OXCT1: variants seen among roughly 807,000 people sequenced by gnomAD.
OXCT1 encodes the protein succinyl-CoA:3-ketoacid coenzyme A transferase 1, mitochondrial.
In OXCT1, 27 loss-of-function variants were observed where a neutral mutation model predicts 69.6. The ratio of observed to expected loss-of-function variants is 0.39; its 90% CI spans 0.29 to 0.54. The LOEUF (loss-of-function observed/expected upper bound fraction) is 0.54, where lower values mean the gene tolerates loss of function less well. Among genes scored for constraint, OXCT1 ranks in the 20% least tolerant of loss-of-function variants. OXCT1 has a pLI of 0.72. For missense variants in OXCT1, 437 were observed against 650.2 expected, an observed-to-expected ratio of 0.67 and a Z score of 3.57; for synonymous variants, 202 against 217.8, an observed-to-expected ratio of 0.93 and a Z score of 0.64.
At chr5:41,776,060 A>G (rs1396898674) in intron 13 of OXCT1, among the ~76,000 whole-genome samples, 1 of 152,190 alleles carries the variant, frequency 6.6e-6, no homozygotes, top group Non-Finnish European at 1.5e-5. Context: ...GATTATCATC[A>G]TGAGGGATGC....
intron 3 of OXCT1, among the ~76,000 whole-genome samples, chr5:41,855,705 T>C (rs993494373): frequency 1.3e-5 from 2 of 152,214 alleles, no homozygotes; most frequent in Non-Finnish European, 2.9e-5. Context: ...GAATAAGACC[T>C]GGTCCTGGGC....
chr5:41,742,881 A>T (rs369835792), intron 15 of OXCT1, among the ~76,000 whole-genome samples: 4 of 152,122 alleles, frequency 2.6e-5, no homozygotes, highest in East Asian at 1.9e-4. Flanking sequence ...TCTATCATTG[A>T]TGGGCATTTG....
intron 7 of OXCT1, among the ~76,000 whole-genome samples, chr5:41,825,460 T>G (rs1747759624): frequency 6.6e-6 from 1 of 152,122 alleles, no homozygotes; most frequent in Non-Finnish European, 1.5e-5. Context: ...TTTAAAATAT[T>G]CCATCCAAAA....
At chr5:41,834,408 G>T (rs1457736191) in intron 7 of OXCT1, among the ~76,000 whole-genome samples, 2 of 145,628 alleles carry the variant, frequency 1.4e-5, no homozygotes, top group Admixed American at 7.1e-5. Context: ...GTCTACAAGA[G>T]ACATGGTTCA....
intron 7 of OXCT1, among the ~76,000 whole-genome samples, chr5:41,835,709 G>A (rs1323080870): frequency 1.3e-5 from 2 of 152,172 alleles, no homozygotes; most frequent in East Asian, 3.8e-4. Context: ...AAAGGGCCTT[G>A]GGTAAACCTT....
chr5:41,783,451 A>C (rs1745504842), intron 13 of OXCT1, among the ~76,000 whole-genome samples: 1 of 152,188 alleles, frequency 6.6e-6, no homozygotes, highest in Non-Finnish European at 1.5e-5. Flanking sequence ...CATATTATTA[A>C]TAATGGGTTT....
chr5:41,864,104 T>C (rs1749859531), intron 1 of OXCT1, among the ~76,000 whole-genome samples: 1 of 152,232 alleles, frequency 6.6e-6, no homozygotes, highest in Non-Finnish European at 1.5e-5. Flanking sequence ...GAGCAATCAG[T>C]TGTAAACTTT....
At chr5:41,832,143 C>T (rs538753419) in intron 7 of OXCT1, among the ~76,000 whole-genome samples, 4 of 152,340 alleles carry the variant, frequency 2.6e-5, no homozygotes, top group East Asian at 3.9e-4. Context: ...TGGCTGGCTT[C>T]GCCACCTGTT....
chr5:41,732,171 G>A (rs1742666720), intron 16 of OXCT1, among the ~76,000 whole-genome samples: 1 of 152,086 alleles, frequency 6.6e-6, no homozygotes, highest in South Asian at 2.1e-4. Context: ...AATAGATCCA[G>A]CCAATTCATA....
intron 13 of OXCT1, among the ~76,000 whole-genome samples, chr5:41,772,607 T>C (rs1434569870): frequency 6.6e-6 from 1 of 152,238 alleles, no homozygotes; most frequent in Non-Finnish European, 1.5e-5. Context: ...TACATTAAAT[T>C]AATAACTACT....
chr5:41,783,497 C>T (rs1461118701), intron 13 of OXCT1, among the ~76,000 whole-genome samples: 1 of 152,160 alleles, frequency 6.6e-6, no homozygotes. Context: ...AATGTTTCTT[C>T]TTCTCCTTTT....
rs544484017 is a variant in OXCT1, at chr5:41,837,095, T to C, written c.732+3356A>G. Reference sequence around the variant, plus strand: ...TTCTAAATCCAAAACAAATTTAAGATGCCTAAGGGAATCTTAGTACTTTAA... The same window carrying C: ...TTCTAAATCCAAAACAAATTTAAGACGCCTAAGGGAATCTTAGTACTTTAA... On this transcript the variant is annotated intron_variant, in intron 7 of 16. Transcript: ENST00000196371. Among the ~76,000 whole-genome samples, 13 of 152,274 alleles carry C rather than the reference T, an allele frequency of 8.5e-5. No individual in the cohort carries two copies. In the East Asian group the frequency reaches 2.5e-3, roughly 29 times the overall value.
At chr5:41,842,857 G>A in intron 5 of OXCT1, 76 bp from the exon 6 acceptor site, 1 of 953,628 alleles carries the variant, frequency 1.0e-6, no homozygotes, top group Non-Finnish European at 1.7e-6. Flanking sequence ...GATAGAGGTA[G>A]ATAATAAGGA....
At chr5:41,810,082 G>A (rs748673842) in intron 7 of OXCT1, among the ~76,000 whole-genome samples, 6 of 151,268 alleles carry the variant, frequency 4.0e-5, no homozygotes, top group Non-Finnish European at 4.4e-5. Context: ...TATGAAAAGA[G>A]TTTAAAAAAA....
At chr5:41,826,586 A>G (rs980264976) in intron 7 of OXCT1, among the ~76,000 whole-genome samples, 2 of 152,130 alleles carry the variant, frequency 1.3e-5, no homozygotes, top group South Asian at 4.1e-4. Context: ...TCATTTGTCT[A>G]AGGTTGCAAA....
At chr5:41,795,403 G>A (rs146729735) in intron 11 of OXCT1, among the ~76,000 whole-genome samples, 8 of 152,162 alleles carry the variant, frequency 5.3e-5, no homozygotes, top group Admixed American at 2.0e-4. Flanking sequence ...CCAGCCTCTC[G>A]CCATCCCCAT....
intron 13 of OXCT1, among the ~76,000 whole-genome samples, chr5:41,789,179 G>A (rs1023698458): frequency 4.6e-5 from 7 of 152,122 alleles, no homozygotes; most frequent in Non-Finnish European, 5.9e-5. Flanking sequence ...AGGGCCAAAC[G>A]GTAAATATTT....
intron 7 of OXCT1, among the ~76,000 whole-genome samples, chr5:41,834,055 T>C (rs986611291): frequency 2.0e-5 from 3 of 152,062 alleles, no homozygotes; most frequent in African/African-American, 7.2e-5. Flanking sequence ...TTTTGCTTAT[T>C]TGTTTATGCA....
Position 41,739,410 on chromosome 5 carries a change from T to G in OXCT1, c.1501A>C (p.Ser501Arg). The G allele has an allele frequency of 6.2e-7, 1 of 1,611,440 alleles. No homozygotes were observed. The highest frequency in any genetic ancestry group is 8.5e-7 in the Non-Finnish European group (1 of 1,177,526). Reference sequence around the variant, plus strand: ...CTTACTGCAAAATCACACCCAGTACTCTTCTGTACGTCATCCACTGTCAGG... The same window carrying G: ...CTTACTGCAAAATCACACCCAGTACGCTTCTGTACGTCATCCACTGTCAGG... ...EGLTVDDVQKSTGCDFAVSPK... is the reference protein window; with the variant it reads ...EGLTVDDVQKRTGCDFAVSPK... Residue 501 changes from serine to arginine, a missense_variant, in exon 16 of 17, where the codon AGT (serine) becomes CGT (arginine). Ser to Arg is a moderately radical substitution (Grantham distance 110). Transcript: ENST00000196371.
Sources: gnomAD v4.1 joint callset for allele counts (sites outside exome capture counted in the v4.1 genomes callset) on GRCh38, gnomAD v4.1.1 for gene constraint, MANE v1.5 for transcripts, NCBI Gene and HGNC (gene_info 2026-07-23, HGNC 2026-07-21) for gene names.